The following CD44 variants were observed in gnomAD, a reference collection of about 807,000 sequenced individuals.
CD44 encodes CD44 molecule (IN blood group).
Under a neutral mutation model 88.8 loss-of-function variants are expected in CD44, and 49 were observed. The ratio of observed to expected loss-of-function variants is 0.55; its 90% CI spans 0.44 to 0.70. The LOEUF (loss-of-function observed/expected upper bound fraction) is 0.70. CD44 is among the 30% of genes least tolerant of loss of function. CD44 has a pLI of 0.00. For synonymous variants in CD44, 325 were observed against 312.3 expected (o/e 1.04, Z -0.43); for missense variants, 883 against 913.8 (o/e 0.97, Z 0.43).
intron 17 of CD44, 88 bp downstream of exon 17, chr11:35,221,820 T>C (rs893953414): frequency 1.6e-5 from 19 of 1,191,184 alleles, no homozygotes; most frequent in Admixed American, 1.7e-5. Flanking sequence ...GCGTAGTCCC[T>C]GGAACCAGCA....
chr11:35,180,882 A>G (rs931570117), intron 3 of CD44, among the ~76,000 whole-genome samples: 4 of 152,178 alleles, frequency 2.6e-5, no homozygotes, highest in Admixed American at 6.5e-5. Flanking sequence ...AAAGTGCTAT[A>G]AAAAAGAAAG....
At chr11:35,222,307 G>T in intron 17 of CD44, 14 of 709,634 alleles carry the variant, frequency 2.0e-5, no homozygotes, top group Non-Finnish European at 2.9e-5. Flanking sequence ...TTTTTTTATT[G>T]GCCTTGTGCT....
intron 17 of CD44, among the ~76,000 whole-genome samples, chr11:35,226,745 T>C (rs1949712504): frequency 6.6e-6 from 1 of 152,138 alleles, no homozygotes; most frequent in Admixed American, 6.6e-5. Context: ...AATCCTATGA[T>C]ATTGCTACTC....
At position 35,232,087 on chromosome 11, in the gene CD44, A is replaced by G. The variant is rs1233462749; in HGVS notation, c.*2754A>G. 5 of 152,338 alleles carry G rather than the reference A, an allele frequency of 3.3e-5. No homozygotes were observed. Among genetic ancestry groups the G allele is most frequent in the Non-Finnish European group, 7.3e-5 (5 of 68,036 alleles). The allele number at this position is 152,338 out of a possible 1,614,324, so 9.4% of individuals were successfully genotyped here. On this transcript the variant is annotated 3_prime_UTR_variant, in exon 18 of 18. Transcript: ENST00000428726. Reference sequence around the variant, plus strand: ...ATCAGAGGAGTAGGAGAGAGGAAACATTTGACTTATCTGGAAAAGCAAAAT... The same window carrying G: ...ATCAGAGGAGTAGGAGAGAGGAAACGTTTGACTTATCTGGAAAAGCAAAAT...
At chr11:35,209,714 T>C (rs1948218463) in intron 12 of CD44, among the ~76,000 whole-genome samples, 1 of 152,180 alleles carries the variant, frequency 6.6e-6, no homozygotes, top group African/African-American at 2.4e-5. Flanking sequence ...AAGTTTTGGC[T>C]CAGTCTTCAC....
chr11:35,196,746 C>T lies in CD44; in HGVS notation c.668C>T (p.Thr223Ile). ...ATCAATTCAATCATGATTACAACAG[C>T]TTTGATGAGCACTAGTGCTACAGCA... ...TDSTDRIPAT[T>I]LMSTSATATE... is the part of the protein sequence containing the mutation. Residue 223 changes from threonine (T) to isoleucine (I), a missense_variant and splice_region_variant, in exon 6 of 18, where the codon ACT becomes ATT. Transcript: ENST00000428726. 2 of 1,613,580 alleles carry T rather than the reference C, an allele frequency of 1.2e-6. No individual in the cohort carries two copies. Among genetic ancestry groups the T allele is most frequent in the Non-Finnish European group, 1.7e-6 (2 of 1,179,634 alleles).
At position 35,180,254 on chromosome 11, in the gene CD44, C is replaced by T. The variant is rs374376718; in HGVS notation, c.234-20C>T. On this transcript the variant is annotated intron_variant, in intron 2 of 17. Transcript: ENST00000428726. ...CATCTTAGCCATTTAGGTCAATATC[C>T]TGTTGTTTTTCTCTTACAGGTATGG... is the stretch of plus-strand genomic sequence containing the variant. 10 of 1,613,328 alleles carry T rather than the reference C, an allele frequency of 6.2e-6. No homozygotes were observed. In the African/African-American group the frequency reaches 1.3e-4, roughly 22 times the overall value.
At position 35,180,418 on chromosome 11, in the gene CD44, A is replaced by AG; in HGVS notation, c.367+17dup. The AG allele has an allele frequency of 1.2e-6, 2 of 1,613,838 alleles. No homozygotes were observed. The highest frequency in any genetic ancestry group is 1.6e-4 in the Middle Eastern group (1 of 6,062). On this transcript the variant is annotated intron_variant, in intron 3 of 17. Transcript: ENST00000428726. ...GCTTCAATGCTTCAGGTTGGTTCTC[A>AG]GGGGGGTGTCTGTTGGCGTGAAAGG...
At chr11:35,177,739 G>A (rs1166764966) in intron 2 of CD44, among the ~76,000 whole-genome samples, 1 of 152,216 alleles carries the variant, frequency 6.6e-6, no homozygotes, top group East Asian at 1.9e-4. Context: ...TGCTGAAAGG[G>A]AAAAGGAAAG....
At chr11:35,176,519 T>G in intron 1 of CD44, 56 bp from the exon 2 acceptor site, 1 of 1,533,942 alleles carries the variant, frequency 6.5e-7, no homozygotes, top group Admixed American at 1.8e-5. Flanking sequence ...CTGAACTTAT[T>G]ACTGTCTCCA....
At chr11:35,202,132 G>A (rs1947375916) in intron 9 of CD44, among the ~76,000 whole-genome samples, 1 of 152,174 alleles carries the variant, frequency 6.6e-6, no homozygotes, top group Non-Finnish European at 1.5e-5. Context: ...GTGGAATCTG[G>A]AAAGAAAGTT....
intron 1 of CD44, among the ~76,000 whole-genome samples, chr11:35,153,224 A>G (rs1255797152): frequency 1.3e-5 from 2 of 152,124 alleles, no homozygotes; most frequent in African/African-American, 4.8e-5. Flanking sequence ...CACTAACTAA[A>G]CAAGAAGACA....
At chr11:35,176,984 T>C in intron 2 of CD44, 2 of 445,598 alleles carry the variant, frequency 4.5e-6, no homozygotes, top group Non-Finnish European at 8.0e-6. Context: ...TCCTCTCGGC[T>C]GGAATCCTCT....
chr11:35,149,878 G>C (rs1038181999), intron 1 of CD44, among the ~76,000 whole-genome samples: 1 of 152,244 alleles, frequency 6.6e-6, no homozygotes, highest in African/African-American at 2.4e-5. Context: ...CAATGGGCAA[G>C]AGTGTTGTAG....
At chr11:35,206,670 G>GCC (rs1554971933) in intron 11 of CD44, among the ~76,000 whole-genome samples, 98 of 142,548 alleles carry the variant, frequency 6.9e-4, no homozygotes, top group African/African-American at 2.6e-3. Context: ...GGGGGTTGGT[G>GCC]GGGGGGGCAG....
intron 10 of CD44, chr11:35,204,953 C>T: frequency 3.8e-6 from 1 of 261,056 alleles, no homozygotes; most frequent in Non-Finnish European, 7.5e-6. Context: ...TAAAATATCG[C>T]TGTCTGTTGT....
Position 35,208,158 on chromosome 11 carries a change from G to A in CD44, c.1468G>A (p.Gly490Ser), listed in dbSNP as rs763741388. ...TLQPTANPNT[G>S]LVEDLDRTGP... Reference sequence around the variant, plus strand: ...TCAGCCTACTGCAAATCCAAACACAGGTTTGGTGGAAGATTTGGACAGGAC... The same window carrying A: ...TCAGCCTACTGCAAATCCAAACACAAGTTTGGTGGAAGATTTGGACAGGAC... Residue 490 changes from glycine (G) to serine (S), a missense_variant, in exon 12 of 18, where the codon GGT becomes AGT. By Grantham distance (56) the Gly-to-Ser change is moderately conservative. Coordinates refer to ENST00000428726, the MANE Select transcript of CD44 (RefSeq NM_000610.4). The A allele has an allele frequency of 1.1e-5, 18 of 1,613,122 alleles. No homozygotes were observed. The highest frequency in any genetic ancestry group is 1.5e-5 in the Non-Finnish European group (18 of 1,179,262).
chr11:35,204,379 C>T (rs1947619750), intron 9 of CD44, 133 bp from the exon 10 acceptor site: 1 of 730,370 alleles, frequency 1.4e-6, no homozygotes, highest in Non-Finnish European at 2.3e-6. Flanking sequence ...ATATCAGTGG[C>T]CTGTTTCCTT....
intron 4 of CD44, among the ~76,000 whole-genome samples, chr11:35,188,799 G>A (rs1415800829): frequency 1.3e-5 from 2 of 151,902 alleles, no homozygotes; most frequent in South Asian, 2.1e-4. Flanking sequence ...TTAGCTGGGT[G>A]TGGTGGCATG....
Sources: allele counts gnomAD v4.1 joint callset (sites outside exome capture counted in the v4.1 genomes callset), GRCh38; gene constraint gnomAD v4.1.1; transcripts MANE v1.5; gene names NCBI Gene and HGNC (gene_info 2026-07-23, HGNC 2026-07-21).